The following NTMT1 variants were observed in gnomAD, a reference collection of about 807,000 sequenced individuals.
The protein encoded by NTMT1 is N-terminal RCC1 methyltransferase.
Under a neutral mutation model 17.5 loss-of-function variants are expected in NTMT1, and 8 were observed. The observed-to-expected ratio is 0.46, with a 90% confidence interval of 0.27 to 0.82. The LOEUF (loss-of-function observed/expected upper bound fraction) is 0.82, where lower values mean the gene tolerates loss of function less well. Among genes scored for constraint, NTMT1 ranks in the 40% least tolerant of loss-of-function variants. NTMT1 has a pLI of 0.15. For synonymous variants in NTMT1, 128 were observed against 126.8 expected (o/e 1.01, Z -0.06); for missense variants, 221 against 303.5 (o/e 0.73, Z 2.02).
rs773755484 is a variant in NTMT1, at chr9:129,620,611, C to T, written c.-55+11433C>T. On this transcript the variant is annotated intron_variant, in intron 1 of 3. Coordinates refer to the NTMT1 transcript ENST00000372486. The surrounding 1 kb of genome is among the most constrained non-coding windows in gnomAD (Gnocchi z 5.8). ...CACTCAGCTCACCGCACCCTCAGCG[C>T]GCGTGGGTGGGGGGCGCCGGCTGAG... The T allele has an allele frequency of 1.5e-6, 2 of 1,304,928 alleles. No individual in the cohort carries two copies. The highest frequency in any genetic ancestry group is 5.2e-5 in the South Asian group (2 of 38,586). The allele number at this position is 1,304,928 out of a possible 1,614,324, so 80.8% of individuals were successfully genotyped here.
At position 129,626,204 on chromosome 9, in the gene NTMT1, G is replaced by T. The variant is rs1021751452; in HGVS notation, c.-146G>T. The T allele has an allele frequency of 6.6e-6, 1 of 152,158 alleles. No homozygotes were observed. The highest frequency in any genetic ancestry group is 1.5e-5 in the Non-Finnish European group (1 of 68,026). The allele number at this position is 152,158 out of a possible 1,614,324, so 9.4% of individuals were successfully genotyped here. On this transcript the variant is annotated 5_prime_UTR_variant, in exon 1 of 4. Transcript: ENST00000372483. ...TGTCGCGTCTGGTCGTGGTCTGGCGGAGCTGCGGTTGGCTTGTGGCGTCTC... is the reference window on the plus strand; with the variant it reads ...TGTCGCGTCTGGTCGTGGTCTGGCGTAGCTGCGGTTGGCTTGTGGCGTCTC...
intron 1 of NTMT1, among the ~76,000 whole-genome samples, chr9:129,611,324 C>CA (rs1165519125): frequency 6.6e-6 from 1 of 152,208 alleles, no homozygotes; most frequent in African/African-American, 2.4e-5. Context: ...GGCGGCGGCT[C>CA]AAACTTTCTC....
chr9:129,613,525 C>T lies in NTMT1; in HGVS notation c.-55+4347C>T. On this transcript the variant is annotated intron_variant, in intron 1 of 3. Transcript: ENST00000372486. The surrounding 1 kb of genome is among the most constrained non-coding windows in gnomAD (Gnocchi z 6.2). ...TTTGGGCAAACTCTCCAGCCGTTTT[C>T]CGACACTCCCAAACACCCGCTCGGA... is the stretch of plus-strand genomic sequence containing the variant. The T allele has an allele frequency of 6.2e-7, 1 of 1,614,198 alleles. No homozygotes were observed. Among genetic ancestry groups the T allele is most frequent in the Non-Finnish European group, 8.5e-7 (1 of 1,180,028 alleles).
chr9:129,635,023 C>G, intron 3 of NTMT1, 185 bp from the exon 4 acceptor site: 1 of 689,222 alleles, frequency 1.5e-6, no homozygotes, highest in Non-Finnish European at 2.4e-6. Flanking sequence ...ACCTCTGAGC[C>G]ACAGTTTCCT....
rs1379718255 is a variant in NTMT1 at position 129,614,125 on chromosome 9, C to T, written c.-55+4947C>T. Among the ~76,000 whole-genome samples the T allele has an allele frequency of 6.6e-6, 1 of 152,206 alleles. No homozygotes were observed. Among genetic ancestry groups the T allele is most frequent in the Non-Finnish European group, 1.5e-5 (1 of 68,034 alleles). On this transcript the variant is annotated intron_variant, in intron 1 of 3. Coordinates refer to the NTMT1 transcript ENST00000372486. The surrounding 1 kb of genome is among the most constrained non-coding windows in gnomAD (Gnocchi z 4.4). ...GCCAGTGGCTGACACGGAATCATCTCCTGTATGCACCAACTGCCATTCACA... is the reference window on the plus strand; with the variant it reads ...GCCAGTGGCTGACACGGAATCATCTTCTGTATGCACCAACTGCCATTCACA...
intron 3 of NTMT1, chr9:129,634,951 G>A: frequency 2.0e-6 from 1 of 510,624 alleles, no homozygotes; most frequent in Non-Finnish European, 3.5e-6. Context: ...GTAGGTATCA[G>A]GCAGGACTTG....
intron 1 of NTMT1, among the ~76,000 whole-genome samples, chr9:129,618,112 G>T (rs1363714953): frequency 6.6e-6 from 1 of 152,170 alleles, no homozygotes; most frequent in Non-Finnish European, 1.5e-5. Context: ...GGTATGAGAT[G>T]AGGAAGAATG....
Position 129,635,333 on chromosome 9 carries a change from A to G in NTMT1, c.541A>G (p.Ser181Gly). 6.2e-7 allele frequency: 1 copy of G among 1,613,884 alleles called. No homozygotes were observed. Among genetic ancestry groups the G allele is most frequent in the Non-Finnish European group, 8.5e-7 (1 of 1,180,030 alleles). Residue 181 changes from serine to glycine, a missense_variant, in exon 4 of 4, where the codon AGC becomes GGC. Coordinates refer to ENST00000372483, the MANE Select transcript of NTMT1 (RefSeq NM_014064.4). ...QEGVILDDVD[S>G]SVCRDLDVVR... is the part of the protein sequence containing the mutation. ...GGGCGTGATTCTGGACGACGTGGAC[A>G]GCAGCGTGTGCCGGGACCTTGACGT...
upstream of NTMT1, among the ~76,000 whole-genome samples, chr9:129,623,640 G>A (rs370490414): frequency 2.6e-5 from 4 of 152,138 alleles, no homozygotes; most frequent in Non-Finnish European, 4.4e-5. Context: ...TAGAGAACGC[G>A]TCGCCAAAGA....
intron 1 of NTMT1, among the ~76,000 whole-genome samples, chr9:129,611,721 C>T (rs548218535): frequency 6.6e-6 from 1 of 151,982 alleles, no homozygotes; most frequent in African/African-American, 2.4e-5. Flanking sequence ...GAGGCTTGGT[C>T]CCAAGTTTTT....
chr9:129,635,737 TC>T lies in NTMT1; in HGVS notation c.*277del. The T allele has an allele frequency of 2.4e-6, 1 of 413,376 alleles. No homozygotes were observed. Among genetic ancestry groups the T allele is most frequent in the South Asian group, 3.4e-5 (1 of 29,454 alleles). 25.6% of individuals were successfully genotyped at this position (413,376 alleles called of 1,614,324 possible). A position where few individuals can be genotyped will look rare whatever the true frequency, so the allele number is the denominator to read the frequency against. On this transcript the variant is annotated 3_prime_UTR_variant, in exon 4 of 4. Coordinates refer to ENST00000372483, the MANE Select transcript of NTMT1 (RefSeq NM_014064.4). ...GAAGGGGCTCCAGGGCTCCTGGTGCTCCCCATGTGGGAATAGGGTGGCCACA... is the reference window on the plus strand; with the variant it reads ...GAAGGGGCTCCAGGGCTCCTGGTGCTCCCATGTGGGAATAGGGTGGCCACA...
upstream of NTMT1, among the ~76,000 whole-genome samples, chr9:129,623,862 C>T (rs1291032372): frequency 8.0e-6 from 1 of 124,588 alleles, no homozygotes; most frequent in Non-Finnish European, 1.6e-5. Flanking sequence ...GTCGCGATCT[C>T]AGCTCACTGC....
At chr9:129,610,322 G>A (rs1263858561) in intron 1 of NTMT1, among the ~76,000 whole-genome samples, 4 of 149,820 alleles carry the variant, frequency 2.7e-5, no homozygotes, top group South Asian at 2.1e-4. Context: ...CCGGCGTGGT[G>A]CCCCCGGCGC....
chr9:129,634,663 C>A, intron 3 of NTMT1: 1 of 246,894 alleles, frequency 4.1e-6, no homozygotes, highest in Non-Finnish European at 7.9e-6. Flanking sequence ...GTGTCTAGCC[C>A]TGCACCCTCT....
intron 1 of NTMT1, chr9:129,615,773 G>T: frequency 9.5e-7 from 1 of 1,050,106 alleles, no homozygotes; most frequent in Non-Finnish European, 1.3e-6. Context: ...AATGGATAAC[G>T]CCAATCACAG....
upstream of NTMT1, among the ~76,000 whole-genome samples, chr9:129,624,693 G>A (rs1162688363): frequency 6.6e-6 from 1 of 152,160 alleles, no homozygotes; most frequent in African/African-American, 2.4e-5. Context: ...GCAATGGCGC[G>A]ATCTAGGCTC....
rs371857020 is a variant in NTMT1, at chr9:129,619,675, G to T, written c.-55+10497G>T. The stretch of plus-strand genomic sequence containing the variant: ...AGGCCACATCTGGCATGAGTGGCCA[G>T]GCTGTCCCGCCCTGGAAACATCGAT... On this transcript the variant is annotated intron_variant, in intron 1 of 3. Transcript: ENST00000372486. 3.1e-6 allele frequency: 5 copies of T among 1,612,476 alleles called. No homozygotes were observed. In the African/African-American group the frequency reaches 5.3e-5, roughly 17 times the overall value.
At chr9:129,611,453 G>C (rs972895641) in intron 1 of NTMT1, among the ~76,000 whole-genome samples, 1 of 152,230 alleles carries the variant, frequency 6.6e-6, no homozygotes, top group Non-Finnish European at 1.5e-5. Flanking sequence ...CAGACTAGGA[G>C]AGAAACCGTG....
In NTMT1 at chr9:129,620,193, G is replaced by A. The variant is rs1472344230; in HGVS notation, c.-55+11015G>A. On this transcript the variant is annotated intron_variant, in intron 1 of 3. Transcript: ENST00000372486. This position sits in a 1 kb window ranked among gnomAD's most constrained non-coding sequence, Gnocchi z 5.8. The stretch of plus-strand genomic sequence containing the variant: ...GGGTCCTCCCTGGCCACGCGCCTCC[G>A]GGGGCGCTCGCGCTCTCCAGGCCCT... The A allele has an allele frequency of 5.5e-6, 8 of 1,449,138 alleles. No homozygotes were observed. The highest frequency in any genetic ancestry group is 2.8e-5 in the Admixed American group (1 of 35,470). The allele number at this position is 1,449,138 out of a possible 1,614,324, so 89.8% of individuals were successfully genotyped here.
Sources: gnomAD v4.1 joint callset for allele counts (sites outside exome capture counted in the v4.1 genomes callset) on GRCh38, gnomAD v4.1.1 for gene constraint, Gnocchi (gnomAD v3.1) non-coding constraint, MANE v1.5 for transcripts, NCBI Gene and HGNC (gene_info 2026-07-23, HGNC 2026-07-21) for gene names.